Variants in FAM83B observed in about 807,000 individuals in gnomAD.
FAM83B encodes the protein protein FAM83B.
A neutral mutation model predicts 38.8 loss-of-function variants in FAM83B; 26 were observed. The observed-to-expected ratio is 0.67, with a 90% CI of 0.49 to 0.93. The LOEUF is 0.93. FAM83B is among the 40% of genes least tolerant of loss of function. FAM83B has a pLI of 0.00. For synonymous variants in FAM83B, 419 were observed against 423.1 expected, an observed-to-expected ratio of 0.99 and a Z score of 0.12; for missense variants, 1,237 against 1,197.3, an observed-to-expected ratio of 1.03 and a Z score of -0.49.
Position 54,915,535 on chromosome 6 carries a change from G to A in FAM83B, c.445-10836G>A, listed in dbSNP as rs368089110. On this transcript the variant is annotated intron_variant, in intron 2 of 4. Coordinates refer to ENST00000306858, the MANE Select transcript of FAM83B (RefSeq NM_001010872.3). Reference sequence around the variant, plus strand: ...GAAACTCACATTTCTGGCCGGGCGCGGTGGCTCACGCCTGTAATCCCAGCA... The same window carrying A: ...GAAACTCACATTTCTGGCCGGGCGCAGTGGCTCACGCCTGTAATCCCAGCA... Among the ~76,000 whole-genome samples, 615 of 91,412 alleles carry A rather than the reference G, an allele frequency of 6.7e-3. 93 individuals are homozygous for A. Among genetic ancestry groups the A allele is most frequent in the Non-Finnish European group, 8.1e-3 (381 of 47,042 alleles). The allele number at this position is 91,412 out of a possible 152,430, so 60.0% of individuals were successfully genotyped here.
At position 54,880,695 on chromosome 6, in the gene FAM83B, G is replaced by A. The variant is rs536445166; in HGVS notation, c.444+10005G>A. On this transcript the variant is annotated intron_variant, in intron 2 of 4. Transcript: ENST00000306858. ...CCTGACCTCGTGATCTGTCCGCCTCGGCCTCCCCAGGTGCTGGGATTAAAG... is the reference window on the plus strand; with the variant it reads ...CCTGACCTCGTGATCTGTCCGCCTCAGCCTCCCCAGGTGCTGGGATTAAAG... Among the ~76,000 whole-genome samples, 3 of 152,034 alleles carry A rather than the reference G, an allele frequency of 2.0e-5. No individual in the cohort carries two copies. The East Asian group carries it at 5.8e-4, about 30-fold the overall frequency.
In FAM83B at chr6:54,941,182, A is replaced by C; in HGVS notation, c.2211A>C (p.Ser737=). 1 of 1,614,114 alleles carries C rather than the reference A, an allele frequency of 6.2e-7. No homozygotes were observed. Among genetic ancestry groups the C allele is most frequent in the Non-Finnish European group, 8.5e-7 (1 of 1,180,016 alleles). Residue 737 remains serine, a synonymous_variant, in exon 5 of 5, where the codon TCA becomes TCC. Transcript: ENST00000306858. ...RNSPSGTTTK[S]VSIAALLDVN... The stretch of plus-strand genomic sequence containing the variant: ...CTCCAAGTGGCACTACTACCAAATC[A>C]GTTTCCATTGCTGCTTTACTTGATG...
chr6:54,864,232 T>C (rs1359958764), intron 1 of FAM83B, among the ~76,000 whole-genome samples: 4 of 152,176 alleles, frequency 2.6e-5, no homozygotes, highest in Non-Finnish European at 4.4e-5. Context: ...AAACAAACCC[T>C]GGAATCATAT....
chr6:54,921,878 T>C (rs1581922964), intron 2 of FAM83B, among the ~76,000 whole-genome samples: 1 of 152,156 alleles, frequency 6.6e-6, no homozygotes, highest in Admixed American at 6.6e-5. Flanking sequence ...CCCAGGAATG[T>C]AACCCATCAT....
chr6:54,910,572 T>C (rs772028106), intron 2 of FAM83B, among the ~76,000 whole-genome samples: 2 of 152,182 alleles, frequency 1.3e-5, no homozygotes, highest in East Asian at 3.9e-4. Flanking sequence ...GGGGCAGAGT[T>C]CACTTTCCGT....
At chr6:54,884,317 A>AAG in intron 2 of FAM83B, among the ~76,000 whole-genome samples, 1 of 149,290 alleles carries the variant, frequency 6.7e-6, no homozygotes, top group African/African-American at 2.5e-5. Context: ...AAAAAAAAAA[A>AAG]AGAGAAAAAT....
intron 2 of FAM83B, among the ~76,000 whole-genome samples, chr6:54,883,335 T>A (rs1019997136): frequency 4.4e-5 from 6 of 136,806 alleles, no homozygotes; most frequent in Non-Finnish European, 1.6e-5. Flanking sequence ...TTTTTAAGTT[T>A]TTTTTTTTTT....
rs147357562 is a variant in FAM83B at position 54,892,821 on chromosome 6, G to T, written c.444+22131G>T. Among the ~76,000 whole-genome samples, 1,127 of 152,086 alleles carry T rather than the reference G, an allele frequency of 7.4e-3. 12 individuals carry two copies. The highest frequency in any genetic ancestry group is 0.011 in the Non-Finnish European group (721 of 67,986). ...CTCCCTCCAAAAGGTGGAGCCAATT[G>T]TCTCCCTCTTAAGTGCGGATGGGGC... On this transcript the variant is annotated intron_variant, in intron 2 of 4. Coordinates refer to ENST00000306858, the MANE Select transcript of FAM83B (RefSeq NM_001010872.3).
In FAM83B at chr6:54,940,172, C is replaced by A; in HGVS notation, c.1201C>A (p.Leu401Met). The A allele has an allele frequency of 6.2e-7, 1 of 1,614,054 alleles. No individual in the cohort carries two copies. Among genetic ancestry groups the A allele is most frequent in the Non-Finnish European group, 8.5e-7 (1 of 1,180,004 alleles). ...ACAGCCAGAAACAGTGCCATACCTC[C>A]TGCTTAATAGGGCTCTGAATAGAAC... ...GEQPETVPYLLLNRALNRTNN... is the reference protein window; with the variant it reads ...GEQPETVPYLMLNRALNRTNN... The change falls in exon 5 of 5, where the codon CTG becomes ATG. Residue 401 changes from leucine (L) to methionine (M), a missense_variant. By Grantham distance (15) the Leu-to-Met change is conservative. Coordinates refer to ENST00000306858, the MANE Select transcript of FAM83B (RefSeq NM_001010872.3).
In FAM83B at chr6:54,939,964, A is replaced by T; in HGVS notation, c.993A>T (p.Lys331Asn). The T allele has an allele frequency of 6.2e-7, 1 of 1,614,078 alleles. No homozygotes were observed. ...TTGGTAGACAAGACAAGATTCATAA[A>T]CTAGATTCCAGTTACTTCAAAAACA... ...NLFGRQDKIH[K>N]LDSSYFKNRG... is the part of the protein sequence containing the mutation. Residue 331 changes from lysine to asparagine, a missense_variant, in exon 5 of 5, where the codon AAA becomes AAT. Coordinates refer to ENST00000306858, the MANE Select transcript of FAM83B (RefSeq NM_001010872.3).
intron 2 of FAM83B, among the ~76,000 whole-genome samples, chr6:54,925,755 T>A (rs888309115): frequency 6.6e-6 from 1 of 151,748 alleles, no homozygotes; most frequent in Admixed American, 6.6e-5. Context: ...TCCATATACG[T>A]GGGTTCTTCA....
At chr6:54,865,407 A>G (rs1771676380) in intron 1 of FAM83B, among the ~76,000 whole-genome samples, 1 of 152,162 alleles carries the variant, frequency 6.6e-6, no homozygotes, top group South Asian at 2.1e-4. Context: ...AGGATCAGCC[A>G]TGGTCTAATA....
At chr6:54,867,573 A>C (rs773032916) in intron 1 of FAM83B, among the ~76,000 whole-genome samples, 1 of 152,096 alleles carries the variant, frequency 6.6e-6, no homozygotes, top group Non-Finnish European at 1.5e-5. Context: ...GCTATCGATT[A>C]GTCCTGTAAT....
chr6:54,941,603 T>G lies in FAM83B; in HGVS notation c.2632T>G (p.Leu878Val), dbSNP rs766284605. Residue 878 changes from leucine to valine, a missense_variant, in exon 5 of 5, where the codon TTG becomes GTG. Coordinates refer to ENST00000306858, the MANE Select transcript of FAM83B (RefSeq NM_001010872.3). ...TCCAGGTCCAGTTGAAAGCAAGTTC[T>G]TGGAAAGGGCAGGAGATGCCTCTGC... ...PSPGPVESKF[L>V]ERAGDASAPR... is the part of the protein sequence containing the mutation. 7 of 1,613,962 alleles carry G rather than the reference T, an allele frequency of 4.3e-6. No individual in the cohort carries two copies. Among genetic ancestry groups the G allele is most frequent in the Non-Finnish European group, 8.5e-7 (1 of 1,180,008 alleles).
intron 1 of FAM83B, among the ~76,000 whole-genome samples, chr6:54,855,406 G>A (rs940211808): frequency 1.8e-4 from 28 of 152,002 alleles, no homozygotes; most frequent in African/African-American, 6.5e-4. Context: ...GTCCATATAC[G>A]TTGAAAAAAA....
chr6:54,847,433 GTT>G (rs1006884953), intron 1 of FAM83B, among the ~76,000 whole-genome samples: 1 of 144,054 alleles, frequency 6.9e-6, no homozygotes, highest in African/African-American at 2.6e-5. Flanking sequence ...AGCGACCTGT[GTT>G]TTTCATACTT....
chr6:54,870,273 A>C lies in FAM83B; in HGVS notation c.27A>C (p.Ser9=). 3.7e-6 allele frequency: 6 copies of C among 1,613,776 alleles called. No homozygotes were observed. The highest frequency in any genetic ancestry group is 5.1e-6 in the Non-Finnish European group (6 of 1,179,758). METSSMLS[S]LNDECKSDNY... The stretch of plus-strand genomic sequence containing the variant: ...TGGAGACCTCATCAATGCTTTCCTC[A>C]TTGAATGATGAGTGTAAATCTGACA... Residue 9 remains serine (S), a synonymous_variant, in exon 2 of 5, where the codon TCA becomes TCC. Transcript: ENST00000306858.
intron 2 of FAM83B, among the ~76,000 whole-genome samples, chr6:54,920,699 A>G (rs1407775166): frequency 2.0e-5 from 3 of 151,914 alleles, no homozygotes; most frequent in Non-Finnish European, 4.4e-5. Flanking sequence ...CACTTTTCTT[A>G]TCACTGGTTT....
chr6:54,890,000 TA>T (rs1234795664), intron 2 of FAM83B, among the ~76,000 whole-genome samples: 1 of 152,044 alleles, frequency 6.6e-6, no homozygotes, highest in Non-Finnish European at 1.5e-5. Flanking sequence ...TAAACTTGTT[TA>T]AAAAATATAT....
Sources: gnomAD v4.1 joint callset for allele counts (sites outside exome capture counted in the v4.1 genomes callset) on GRCh38, gnomAD v4.1.1 for gene constraint, MANE v1.5 for transcripts, NCBI Gene and HGNC (gene_info 2026-07-23, HGNC 2026-07-21) for gene names.